CATSPERB: variants seen among roughly 807,000 people sequenced by gnomAD.
CATSPERB encodes the protein cation channel sperm-associated auxiliary subunit beta.
In CATSPERB, 93 loss-of-function variants were observed where a neutral mutation model predicts 128.3. The observed-to-expected ratio is 0.72, with a 90% CI of 0.61 to 0.86. CATSPERB has a LOEUF of 0.86. CATSPERB is among the 40% of genes least tolerant of loss of function. The pLI is 0.00. For synonymous variants in CATSPERB, 381 were observed against 448.8 expected (o/e 0.85, Z 1.91); for missense variants, 1,153 against 1,329.5 (o/e 0.87, Z 2.06).
At chr14:91,653,696 C>T (rs908479897) in intron 15 of CATSPERB, among the ~76,000 whole-genome samples, 21 of 152,164 alleles carry the variant, frequency 1.4e-4, no homozygotes, top group African/African-American at 4.1e-4. Flanking sequence ...AACCAGCCCC[C>T]ATGATTTGAT....
At chr14:91,646,175 G>C (rs569799597) in intron 15 of CATSPERB, 2 of 158,414 alleles carry the variant, frequency 1.3e-5, no homozygotes, top group South Asian at 3.8e-4. Flanking sequence ...CTTCTGTGTC[G>C]CTCACGCTGG....
rs1375485603 is a variant in CATSPERB, at chr14:91,691,517, T to G, written c.864+6A>C. On this transcript the variant is annotated splice_donor_region_variant and intron_variant, in intron 10 of 26. Coordinates refer to ENST00000256343, the MANE Select transcript of CATSPERB (RefSeq NM_024764.4). ...AACCAGCCCTGGGAAATATAAAGCTTCTTACCCTTTCAAAACCACAAAAGT... is the reference window on the plus strand; with the variant it reads ...AACCAGCCCTGGGAAATATAAAGCTGCTTACCCTTTCAAAACCACAAAAGT... 1.2e-6 allele frequency: 2 copies of G among 1,601,142 alleles called. No homozygotes were observed. Among genetic ancestry groups the G allele is most frequent in the Non-Finnish European group, 8.5e-7 (1 of 1,173,500 alleles).
intron 5 of CATSPERB, among the ~76,000 whole-genome samples, chr14:91,714,484 T>G (rs1307080922): frequency 6.6e-6 from 1 of 150,866 alleles, no homozygotes. Flanking sequence ...CTTCTACATA[T>G]GAACAATGAA....
intron 10 of CATSPERB, among the ~76,000 whole-genome samples, chr14:91,685,005 C>T (rs2139840547): frequency 6.6e-6 from 1 of 152,200 alleles, no homozygotes; most frequent in South Asian, 2.1e-4. Context: ...TAGCTCACTC[C>T]AGCCTCAAAC....
At chr14:91,637,974 G>C (rs1314948818) in intron 16 of CATSPERB, among the ~76,000 whole-genome samples, 2 of 152,132 alleles carry the variant, frequency 1.3e-5, no homozygotes, top group Non-Finnish European at 2.9e-5. Context: ...CAAAGACACA[G>C]GGAGTCACAT....
intron 22 of CATSPERB, chr14:91,603,240 C>T (rs1893639202): frequency 3.2e-6 from 3 of 945,282 alleles, no homozygotes; most frequent in Non-Finnish European, 5.3e-6. Flanking sequence ...CATTGTTTCT[C>T]TCAACTCCTG....
At chr14:91,585,306 C>A (rs1211219806) in intron 26 of CATSPERB, among the ~76,000 whole-genome samples, 3 of 152,266 alleles carry the variant, frequency 2.0e-5, no homozygotes, top group East Asian at 3.9e-4. Flanking sequence ...CCATACCAGT[C>A]TTTTTCTCCT....
At chr14:91,713,769 T>G (rs996052302) in intron 5 of CATSPERB, among the ~76,000 whole-genome samples, 2 of 152,120 alleles carry the variant, frequency 1.3e-5, no homozygotes, top group Admixed American at 6.5e-5. Flanking sequence ...ACCAATTCTA[T>G]AAAAACTCAT....
intron 26 of CATSPERB, among the ~76,000 whole-genome samples, chr14:91,586,571 A>AGAGAGAG (rs374162982): frequency 3.9e-4 from 45 of 114,184 alleles, no homozygotes; most frequent in South Asian, 1.6e-3. Context: ...GAGAGAGAGA[A>AGAGAGAG]AGAGAGAGAG....
At chr14:91,651,484 G>C (rs975092693) in intron 15 of CATSPERB, among the ~76,000 whole-genome samples, 2 of 152,124 alleles carry the variant, frequency 1.3e-5, no homozygotes, top group Non-Finnish European at 1.5e-5. Context: ...AGCTTCTTCA[G>C]GTAAAACACC....
chr14:91,663,767 T>G (rs1343712199), intron 14 of CATSPERB, among the ~76,000 whole-genome samples: 1 of 152,198 alleles, frequency 6.6e-6, no homozygotes, highest in Non-Finnish European at 1.5e-5. Flanking sequence ...TTTTATAATT[T>G]TTTCTTTTTT....
intron 5 of CATSPERB, among the ~76,000 whole-genome samples, chr14:91,712,535 C>A (rs2139771022): frequency 6.6e-6 from 1 of 152,262 alleles, no homozygotes; most frequent in East Asian, 1.9e-4. Context: ...CTACCACTTG[C>A]AGTTATAAAA....
chr14:91,620,153 A>AT, intron 19 of CATSPERB, among the ~76,000 whole-genome samples: 1 of 151,946 alleles, frequency 6.6e-6, no homozygotes, highest in Middle Eastern at 3.4e-3. Context: ...TGAAGTTTTG[A>AT]TTTTTTACGG....
At chr14:91,695,653 T>C (rs1895551023) in intron 7 of CATSPERB, among the ~76,000 whole-genome samples, 1 of 152,208 alleles carries the variant, frequency 6.6e-6, no homozygotes, top group Non-Finnish European at 1.5e-5. Flanking sequence ...TTAGCTTTTA[T>C]TCTATTGGCA....
intron 19 of CATSPERB, among the ~76,000 whole-genome samples, chr14:91,619,116 T>C (rs1317450622): frequency 6.6e-6 from 1 of 152,182 alleles, no homozygotes; most frequent in East Asian, 1.9e-4. Flanking sequence ...CATTGCGGTG[T>C]TGGTGACAGA....
intron 26 of CATSPERB, among the ~76,000 whole-genome samples, chr14:91,581,649 A>G (rs568025740): frequency 6.6e-6 from 1 of 152,370 alleles, no homozygotes; most frequent in Non-Finnish European, 1.5e-5. Context: ...TTTCCTCTGC[A>G]TGAATAGCTA....
At chr14:91,726,144 A>C (rs1896116206) in intron 2 of CATSPERB, among the ~76,000 whole-genome samples, 1 of 152,166 alleles carries the variant, frequency 6.6e-6, no homozygotes, top group Non-Finnish European at 1.5e-5. Context: ...CTTCAAGTCC[A>C]TGTGCAAACT....
rs1212322637 is a variant in CATSPERB at position 91,636,632 on chromosome 14, A to G, written c.1588-53T>C. ...ATTTAAACTACTTTATACTTCAATT[A>G]TGACAAAATTGAAGTCACAGATTTA... On this transcript the variant is annotated intron_variant, in intron 16 of 26. Coordinates refer to ENST00000256343, the MANE Select transcript of CATSPERB (RefSeq NM_024764.4). 6 of 1,422,304 alleles carry G rather than the reference A, an allele frequency of 4.2e-6. No individual in the cohort carries two copies. In the East Asian group the frequency reaches 7.5e-5, roughly 18 times the overall value. The allele number at this position is 1,422,304 out of a possible 1,614,324, so 88.1% of individuals were successfully genotyped here. A position where few individuals can be genotyped will look rare whatever the true frequency, so the allele number is the denominator to read the frequency against.
At chr14:91,673,779 A>C (rs1227932888) in intron 12 of CATSPERB, among the ~76,000 whole-genome samples, 1 of 151,956 alleles carries the variant, frequency 6.6e-6, no homozygotes, top group African/African-American at 2.4e-5. Context: ...GCTACTTGGT[A>C]TGCTGAGGCA....
Sources: gnomAD v4.1 joint callset for allele counts (sites outside exome capture counted in the v4.1 genomes callset) on GRCh38, gnomAD v4.1.1 for gene constraint, MANE v1.5 for transcripts, NCBI Gene and HGNC (gene_info 2026-07-23, HGNC 2026-07-21) for gene names.